SLIT3: variants seen among roughly 807,000 people sequenced by gnomAD.
SLIT3 encodes slit homolog 3 protein.
Under a neutral mutation model 184.0 loss-of-function variants are expected in SLIT3, and 68 were observed. That is an observed-to-expected ratio of 0.37 (90% CI 0.30 to 0.45). The LOEUF is 0.45. SLIT3 is among the 20% of genes least tolerant of loss of function. The pLI, the probability that SLIT3 is intolerant of heterozygous loss-of-function variation, is 1.00. For synonymous variants in SLIT3, 831 were observed against 828.6 expected (o/e 1.00, Z -0.05); for missense variants, 1,707 against 2,026.0 (o/e 0.84, Z 3.02).
chr5:168,684,547 G>A (rs909199865), intron 31 of SLIT3, among the ~76,000 whole-genome samples: 2 of 152,020 alleles, frequency 1.3e-5, no homozygotes, highest in Non-Finnish European at 2.9e-5. Context: ...TTGGCTCACC[G>A]CAGCCTCCAC....
intron 6 of SLIT3, among the ~76,000 whole-genome samples, chr5:168,835,274 T>A (rs1030821639): frequency 1.3e-5 from 2 of 152,132 alleles, no homozygotes; most frequent in African/African-American, 4.8e-5. Context: ...AACAAAAAAA[T>A]TAAAGAAAAA....
chr5:168,800,086 G>A (rs1756710455), intron 9 of SLIT3, among the ~76,000 whole-genome samples: 1 of 152,196 alleles, frequency 6.6e-6, no homozygotes, highest in African/African-American at 2.4e-5. Flanking sequence ...GAAGCCCCAT[G>A]TTTATTCTTC....
chr5:168,922,509 A>G (rs1167674084), intron 4 of SLIT3, among the ~76,000 whole-genome samples: 4 of 151,996 alleles, frequency 2.6e-5, no homozygotes, highest in African/African-American at 9.7e-5. Flanking sequence ...GCAAGTAAAA[A>G]TCCGTAGAGG....
chr5:169,238,127 T>A (rs1329991687), intron 3 of SLIT3, among the ~76,000 whole-genome samples: 1 of 152,226 alleles, frequency 6.6e-6, no homozygotes, highest in Admixed American at 6.5e-5. Context: ...TTACAGTAAG[T>A]CTTGAAACTG....
intron 7 of SLIT3, among the ~76,000 whole-genome samples, chr5:168,819,051 C>G (rs544254965): frequency 8.0e-4 from 122 of 152,246 alleles, no homozygotes; most frequent in Non-Finnish European, 1.4e-3. Context: ...CACACTTTCA[C>G]AGGCTCCTGG....
Position 169,085,035 on chromosome 5 carries a change from C to T in SLIT3, c.413+108444G>A, listed in dbSNP as rs565612275. 2.0e-5 allele frequency among the ~76,000 whole-genome samples: 3 copies of T among 152,326 alleles called. No individual in the cohort carries two copies. The South Asian group carries it at 6.2e-4, about 32-fold the overall frequency. ...TATAAACGTTTTACAAGTTTAACAGCAGCAACACGTGGAGGAGATTTCTAC... is the reference window on the plus strand; with the variant it reads ...TATAAACGTTTTACAAGTTTAACAGTAGCAACACGTGGAGGAGATTTCTAC... On this transcript the variant is annotated intron_variant, in intron 4 of 35. Coordinates refer to ENST00000519560, the MANE Select transcript of SLIT3 (RefSeq NM_003062.4).
At chr5:169,141,425 T>G (rs76002535) in intron 4 of SLIT3, among the ~76,000 whole-genome samples, 8 of 93,118 alleles carry the variant, frequency 8.6e-5, no homozygotes, top group Non-Finnish European at 1.6e-4. Flanking sequence ...GTTTGTTTTG[T>G]TTTTTTTTTT....
chr5:169,297,266 C>G (rs913734915), intron 1 of SLIT3, among the ~76,000 whole-genome samples: 2 of 152,306 alleles, frequency 1.3e-5, no homozygotes, highest in East Asian at 1.9e-4. Context: ...GACAGAGTTT[C>G]TTTTTCTGCG....
At chr5:169,261,942 T>C (rs142610105) in intron 1 of SLIT3, among the ~76,000 whole-genome samples, 1 of 152,348 alleles carries the variant, frequency 6.6e-6, no homozygotes, top group Non-Finnish European at 1.5e-5. Flanking sequence ...GGAGGCAGCC[T>C]CTACCCACAA....
chr5:168,740,798 G>A (rs925703464), intron 20 of SLIT3, among the ~76,000 whole-genome samples: 1 of 152,170 alleles, frequency 6.6e-6, no homozygotes, highest in Non-Finnish European at 1.5e-5. Flanking sequence ...CTTTATAATT[G>A]CAGCCAATTA....
chr5:168,792,921 T>A (rs569290586), intron 10 of SLIT3, among the ~76,000 whole-genome samples: 1 of 152,340 alleles, frequency 6.6e-6, no homozygotes, highest in Non-Finnish European at 1.5e-5. Context: ...CAGTCAAAAC[T>A]TCATATCATG....
At chr5:169,072,765 T>C (rs928886293) in intron 4 of SLIT3, among the ~76,000 whole-genome samples, 2 of 152,156 alleles carry the variant, frequency 1.3e-5, no homozygotes, top group African/African-American at 4.8e-5. Context: ...GCCAGAGTAA[T>C]CCTTTGGGCA....
At chr5:168,886,994 T>C (rs977850692) in intron 4 of SLIT3, among the ~76,000 whole-genome samples, 2 of 151,442 alleles carry the variant, frequency 1.3e-5, no homozygotes, top group African/African-American at 2.4e-5. Flanking sequence ...CTAAAATGCT[T>C]TGGACACAGA....
At chr5:168,669,295 C>T (rs980988488) in intron 35 of SLIT3, among the ~76,000 whole-genome samples, 1 of 152,242 alleles carries the variant, frequency 6.6e-6, no homozygotes, top group Non-Finnish European at 1.5e-5. Flanking sequence ...CACTCTGGGA[C>T]ATGCCAGCTG....
At chr5:169,128,723 CCCAG>C (rs1344351505) in intron 4 of SLIT3, among the ~76,000 whole-genome samples, 1 of 152,200 alleles carries the variant, frequency 6.6e-6, no homozygotes, top group African/African-American at 2.4e-5. Context: ...AGCCACCGCG[CCCAG>C]CCTGTATCTC....
At chr5:168,757,148 T>C (rs1389070379) in intron 16 of SLIT3, among the ~76,000 whole-genome samples, 1 of 152,164 alleles carries the variant, frequency 6.6e-6, no homozygotes, top group Non-Finnish European at 1.5e-5. Context: ...ATCACATTCT[T>C]AGAGCAGTAT....
chr5:168,922,956 G>A (rs1334584969), intron 4 of SLIT3, among the ~76,000 whole-genome samples: 1 of 152,212 alleles, frequency 6.6e-6, no homozygotes, highest in African/African-American at 2.4e-5. Flanking sequence ...TGTAGCGAAA[G>A]TCTTAGCATC....
At chr5:169,069,198 G>A (rs182519671) in intron 4 of SLIT3, among the ~76,000 whole-genome samples, 4 of 152,226 alleles carry the variant, frequency 2.6e-5, no homozygotes, top group Non-Finnish European at 5.9e-5. Context: ...TATTAAGGGG[G>A]CACACAACTC....
At chr5:169,272,617 T>C (rs1268847578) in intron 1 of SLIT3, among the ~76,000 whole-genome samples, 1 of 152,162 alleles carries the variant, frequency 6.6e-6, no homozygotes, top group Non-Finnish European at 1.5e-5. Flanking sequence ...GTGTCTCTCA[T>C]TCACAGCTTC....
Sources: allele counts gnomAD v4.1 joint callset (sites outside exome capture counted in the v4.1 genomes callset), GRCh38; gene constraint gnomAD v4.1.1; transcripts MANE v1.5; gene names NCBI Gene and HGNC (gene_info 2026-07-23, HGNC 2026-07-21).